Variants in LNX1 observed in about 807,000 individuals in gnomAD.
The protein encoded by LNX1 is ligand of numb-protein X 1.
Under a neutral mutation model 68.4 loss-of-function variants are expected in LNX1, and 54 were observed. The ratio of observed to expected loss-of-function variants is 0.79; its 90% CI spans 0.63 to 0.99. LNX1 has a LOEUF of 0.99. LNX1 is among the 50% of genes least tolerant of loss of function. The pLI, the probability that LNX1 is intolerant of heterozygous loss-of-function variation, is 0.00. For synonymous variants in LNX1, 336 were observed against 350.0 expected (o/e 0.96, Z 0.45); for missense variants, 906 against 926.4 (o/e 0.98, Z 0.29).
intron 2 of LNX1, among the ~76,000 whole-genome samples, chr4:53,567,378 C>G (rs1460807176): frequency 6.7e-6 from 1 of 149,524 alleles, no homozygotes; most frequent in Admixed American, 6.7e-5. Context: ...AACTGAACAA[C>G]CTGCTCCTGA....
chr4:53,548,146 T>C (rs904104228), intron 2 of LNX1, among the ~76,000 whole-genome samples: 24 of 148,442 alleles, frequency 1.6e-4, no homozygotes, highest in Admixed American at 6.7e-4. Context: ...TCGGGGGAAA[T>C]ATGACTATGA....
chr4:53,535,187 C>A (rs2109634601), intron 2 of LNX1, among the ~76,000 whole-genome samples: 1 of 152,254 alleles, frequency 6.6e-6, no homozygotes, highest in South Asian at 2.1e-4. Flanking sequence ...TGAGACTCAC[C>A]AATATTGCTG....
At chr4:53,533,409 TTTTA>T (rs1728151038) in intron 2 of LNX1, among the ~76,000 whole-genome samples, 2 of 152,178 alleles carry the variant, frequency 1.3e-5, no homozygotes, top group Admixed American at 1.3e-4. Context: ...CTGGAGACTT[TTTTA>T]TTTGAGGTGG....
chr4:53,491,631 TA>T (rs1402267910), intron 6 of LNX1, among the ~76,000 whole-genome samples: 1 of 152,162 alleles, frequency 6.6e-6, no homozygotes, highest in Non-Finnish European at 1.5e-5. Flanking sequence ...GCTTCTTTGG[TA>T]AATGGTTTGA....
intron 1 of LNX1, among the ~76,000 whole-genome samples, chr4:53,589,556 G>A (rs1335547601): frequency 6.6e-6 from 1 of 152,210 alleles, no homozygotes; most frequent in East Asian, 1.9e-4. Flanking sequence ...GTCGCTGGAT[G>A]CTAACATATA....
intron 2 of LNX1, among the ~76,000 whole-genome samples, chr4:53,553,699 T>C (rs950579954): frequency 2.6e-5 from 4 of 152,204 alleles, no homozygotes; most frequent in East Asian, 1.9e-4. Flanking sequence ...CACTCATTCT[T>C]AGGGCATGCT....
intron 1 of LNX1, among the ~76,000 whole-genome samples, chr4:53,650,840 G>A (rs890301282): frequency 6.6e-6 from 1 of 152,096 alleles, no homozygotes; most frequent in Admixed American, 6.5e-5. Flanking sequence ...ATTACACTGA[G>A]GGTAGGCCTC....
chr4:53,460,623 C>A lies in LNX1; in HGVS notation c.*284G>T. On this transcript the variant is annotated 3_prime_UTR_variant, in exon 11 of 11. Coordinates refer to ENST00000263925, the MANE Select transcript of LNX1 (RefSeq NM_001126328.3). ...ATCAGCTTGAATTCAGTGGGGTATA[C>A]AAATCATTTTAGTTGTTTTAGGGCT... The A allele has an allele frequency of 3.3e-6, 1 of 305,412 alleles. No homozygotes were observed. The highest frequency in any genetic ancestry group is 5.7e-6 in the Non-Finnish European group (1 of 174,114). The allele number at this position is 305,412 out of a possible 1,614,324, so 18.9% of individuals were successfully genotyped here. A position where few individuals can be genotyped will look rare whatever the true frequency, so the allele number is the denominator to read the frequency against.
chr4:53,531,425 C>T (rs937871386), intron 2 of LNX1, among the ~76,000 whole-genome samples: 5 of 152,164 alleles, frequency 3.3e-5, no homozygotes, highest in African/African-American at 1.2e-4. Flanking sequence ...TCTCTAAGAC[C>T]CCTAATAATC....
chr4:53,481,657 AC>A, intron 7 of LNX1, 62 bp downstream of exon 7: 8 of 1,556,564 alleles, frequency 5.1e-6, no homozygotes, highest in Non-Finnish European at 6.9e-6. Flanking sequence ...ACATGTTAAA[AC>A]AAGCAGCCTT....
intron 1 of LNX1, among the ~76,000 whole-genome samples, chr4:53,651,672 G>A (rs948679493): frequency 1.3e-4 from 20 of 152,196 alleles, no homozygotes; most frequent in African/African-American, 4.6e-4. Context: ...CTACACACCC[G>A]TGAGCAGGTC....
chr4:53,558,755 A>C (rs1730093179), intron 2 of LNX1, among the ~76,000 whole-genome samples: 1 of 152,242 alleles, frequency 6.6e-6, no homozygotes, highest in African/African-American at 2.4e-5. Flanking sequence ...CCCTGGGGGG[A>C]ATGAATTGAG....
chr4:53,602,845 A>G (rs1733073154), intron 2 of LNX1: 2 of 152,218 alleles, frequency 1.3e-5, no homozygotes, highest in Non-Finnish European at 2.9e-5. Flanking sequence ...AAACAAGCCA[A>G]ATATACCTGA....
intron 1 of LNX1, among the ~76,000 whole-genome samples, chr4:53,625,779 C>T (rs1268999593): frequency 2.6e-5 from 4 of 151,880 alleles, no homozygotes; most frequent in African/African-American, 9.7e-5. Context: ...TGCACTCCAG[C>T]CTAGGTAACA....
Position 53,557,385 on chromosome 4 carries a change from A to G in LNX1, c.380+16238T>C, listed in dbSNP as rs559770346. On this transcript the variant is annotated intron_variant, in intron 2 of 10. Coordinates refer to ENST00000263925, the MANE Select transcript of LNX1 (RefSeq NM_001126328.3). ...TCCCATAGGTTTCAAAAGCATCAAA[A>G]ATAAAAATAACATGGATATATACAT... Among the ~76,000 whole-genome samples, 10 of 152,334 alleles carry G rather than the reference A, an allele frequency of 6.6e-5. No individual in the cohort carries two copies. In the South Asian group the frequency reaches 2.1e-3, roughly 32 times the overall value.
chr4:53,461,989 G>A (rs1722171016), intron 9 of LNX1, among the ~76,000 whole-genome samples: 1 of 151,932 alleles, frequency 6.6e-6, no homozygotes, highest in African/African-American at 2.4e-5. Context: ...ATTTTAATGA[G>A]GGCAAAAATC....
At chr4:53,479,951 G>C (rs1378687604) in intron 7 of LNX1, among the ~76,000 whole-genome samples, 1 of 152,172 alleles carries the variant, frequency 6.6e-6, no homozygotes, top group Non-Finnish European at 1.5e-5. Context: ...TCTGCTCATA[G>C]GCCTTGCCTC....
intron 2 of LNX1, among the ~76,000 whole-genome samples, chr4:53,570,804 G>C (rs1485232617): frequency 3.6e-4 from 55 of 151,058 alleles, no homozygotes; most frequent in African/African-American, 1.2e-3. Context: ...GAGGCGGGCG[G>C]ATCACGAGGT....
At chr4:53,556,478 G>T (rs559572807) in intron 2 of LNX1, among the ~76,000 whole-genome samples, 5 of 152,154 alleles carry the variant, frequency 3.3e-5, no homozygotes, top group African/African-American at 4.8e-5. Flanking sequence ...GAAGGATAGC[G>T]CATGGGAATG....
Sources: gnomAD v4.1 joint callset for allele counts (sites outside exome capture counted in the v4.1 genomes callset) on GRCh38, gnomAD v4.1.1 for gene constraint, MANE v1.5 for transcripts, NCBI Gene and HGNC (gene_info 2026-07-23, HGNC 2026-07-21) for gene names.